SYNE2: variants seen among roughly 807,000 people sequenced by gnomAD.
SYNE2 encodes spectrin repeat containing nuclear envelope protein 2, also known as nesprin-2.
In SYNE2, 431 loss-of-function variants were observed where a neutral mutation model predicts 856.3. The ratio of observed to expected loss-of-function variants is 0.50; its 90% CI spans 0.47 to 0.55. The LOEUF (loss-of-function observed/expected upper bound fraction) is 0.55. Ranked by LOEUF, SYNE2 falls within the 20% of genes least tolerant of loss-of-function variation. The pLI, the probability that SYNE2 is intolerant of heterozygous loss-of-function variation, is 0.00. For synonymous variants in SYNE2, 2,923 were observed against 2,872.3 expected, an observed-to-expected ratio of 1.02 and a Z score of -0.56; for missense variants, 8,129 against 8,023.2, an observed-to-expected ratio of 1.01 and a Z score of -0.50.
chr14:63,814,769 T>TATATATATCCATATATATCC (rs570381323), intron 1 of SYNE2, among the ~76,000 whole-genome samples: 1 of 36,534 alleles, frequency 2.7e-5, no homozygotes, highest in South Asian at 1.3e-3. Flanking sequence ...TATATATCCA[T>TATATATATCCATATATATCC]ATATATATCC....
chr14:63,988,266 T>C lies in SYNE2; in HGVS notation c.2313+1649T>C, dbSNP rs369136276. 1.1e-4 allele frequency among the ~76,000 whole-genome samples: 17 copies of C among 152,286 alleles called. 1 individual carries two copies. In the South Asian group the frequency reaches 3.5e-3, roughly 32 times the overall value. ...CTAATTCTTATATTTTTAGTAGAGA[T>C]AGGGTTTTGCTGTATTGCCCAGGCA... is the stretch of plus-strand genomic sequence containing the variant. On this transcript the variant is annotated intron_variant, in intron 19 of 115. Transcript: ENST00000555002.
intron 2 of SYNE2, among the ~76,000 whole-genome samples, chr14:63,927,140 G>A (rs567860429): frequency 3.1e-4 from 47 of 152,330 alleles, no homozygotes; most frequent in Middle Eastern, 3.4e-3. Flanking sequence ...GTTGCTAAGA[G>A]CAGAGAGAAA....
chr14:63,887,761 T>TA (rs1002646816), intron 1 of SYNE2, among the ~76,000 whole-genome samples: 1 of 148,076 alleles, frequency 6.8e-6, no homozygotes, highest in African/African-American at 2.5e-5. Context: ...TTTTTTTTTT[T>TA]TTTTTTTTTG....
intron 27 of SYNE2, among the ~76,000 whole-genome samples, chr14:64,000,224 C>A (rs1039228227): frequency 6.6e-6 from 1 of 152,188 alleles, no homozygotes; most frequent in Non-Finnish European, 1.5e-5. Context: ...AGAAAGATTT[C>A]CTATCCAGAG....
rs558707674 is a variant in SYNE2, at chr14:63,994,655, G to T, written c.2782-389G>T. On this transcript the variant is annotated intron_variant, in intron 22 of 115. Transcript: ENST00000555002. Reference sequence around the variant, plus strand: ...GATACATTAGTATTAACTAAAGTTTGCACTTTATTTACCTTTTCACAGTTT... The same window carrying T: ...GATACATTAGTATTAACTAAAGTTTTCACTTTATTTACCTTTTCACAGTTT... Among the ~76,000 whole-genome samples the T allele has an allele frequency of 3.3e-4, 50 of 152,206 alleles. 1 individual carries two copies. In the South Asian group the frequency reaches 8.7e-3, roughly 26 times the overall value.
At chr14:63,838,810 C>A (rs1194872037) in intron 1 of SYNE2, among the ~76,000 whole-genome samples, 1 of 151,504 alleles carries the variant, frequency 6.6e-6, no homozygotes, top group South Asian at 2.1e-4. Flanking sequence ...GGTTTCCTAG[C>A]CTACGTGTAC....
At chr14:63,799,575 G>A (rs1468788106) in intron 1 of SYNE2, among the ~76,000 whole-genome samples, 2 of 151,814 alleles carry the variant, frequency 1.3e-5, no homozygotes, top group African/African-American at 4.8e-5. Context: ...GTGGTGGCGG[G>A]CGCCTGTAGT....
intron 1 of SYNE2, among the ~76,000 whole-genome samples, chr14:63,880,118 T>G (rs1382448821): frequency 6.6e-6 from 1 of 152,214 alleles, no homozygotes; most frequent in Non-Finnish European, 1.5e-5. Context: ...TGAGACAGGA[T>G]CTTACTCTGT....
At chr14:63,924,846 T>G (rs1232206415) in intron 2 of SYNE2, among the ~76,000 whole-genome samples, 4 of 103,826 alleles carry the variant, frequency 3.9e-5, no homozygotes, top group Non-Finnish European at 8.4e-5. Flanking sequence ...TTTTTTTTTT[T>G]TTTTTTTTTT....
chr14:63,949,056 T>C (rs1386328230), intron 6 of SYNE2, among the ~76,000 whole-genome samples: 1 of 151,902 alleles, frequency 6.6e-6, no homozygotes, highest in African/African-American at 2.4e-5. Context: ...TTAATTGTGT[T>C]GTTGACATCT....
rs10498512 is a variant in SYNE2, at chr14:64,007,403, C to T, written c.4577+181C>T. Among the ~76,000 whole-genome samples, 42,801 of 151,992 alleles carry T rather than the reference C, an allele frequency of 0.28. 6,255 individuals carry two copies. Among genetic ancestry groups the T allele is most frequent in the East Asian group, 0.35 (1,813 of 5,172 alleles). ...CAAGACCTAGAATTGTAGATTATAG[C>T]CAGAATGCAGCAAAGAGGTTCTCCA... is the stretch of plus-strand genomic sequence containing the variant. On this transcript the variant is annotated intron_variant, in intron 31 of 115. Transcript: ENST00000555002.
chr14:63,944,824 CTTTTTTTTT>C (rs55906748), intron 6 of SYNE2, among the ~76,000 whole-genome samples: 34 of 46,952 alleles, frequency 7.2e-4, no homozygotes, highest in African/African-American at 3.0e-3. Context: ...GGGCTTAAAG[CTTTTTTTTT>C]TTTTTTTTTT....
intron 1 of SYNE2, among the ~76,000 whole-genome samples, chr14:63,876,451 AT>A (rs746357177): frequency 6.7e-6 from 1 of 150,320 alleles, no homozygotes; most frequent in Admixed American, 6.7e-5. Context: ...ATACCATTAT[AT>A]TTTTTTTAAT....
chr14:64,201,935 T>A (rs1277820218), intron 99 of SYNE2, among the ~76,000 whole-genome samples: 1 of 152,310 alleles, frequency 6.6e-6, no homozygotes, highest in South Asian at 2.1e-4. Context: ...TTTAGGACTT[T>A]AAGGAAAGCG....
At chr14:63,787,101 A>G (rs192277818) in intron 1 of SYNE2, among the ~76,000 whole-genome samples, 1 of 152,250 alleles carries the variant, frequency 6.6e-6, no homozygotes, top group Admixed American at 6.5e-5. Context: ...GAGCCCGGGT[A>G]TACATACATG....
intron 62 of SYNE2, chr14:64,098,368 T>C (rs2097694363): frequency 1.6e-6 from 1 of 619,434 alleles, no homozygotes; most frequent in Non-Finnish European, 2.8e-6. Flanking sequence ...TGAATTACTT[T>C]AGGACATGCT....
At chr14:63,894,521 A>G (rs1045310385) in intron 1 of SYNE2, among the ~76,000 whole-genome samples, 1 of 152,096 alleles carries the variant, frequency 6.6e-6, no homozygotes, top group Non-Finnish European at 1.5e-5. Context: ...GCATCCGGCC[A>G]TTATAAAATA....
Position 63,967,833 on chromosome 14 carries a change from G to A in SYNE2, c.1115G>A (p.Gly372Asp). The A allele has an allele frequency of 6.2e-7, 1 of 1,614,018 alleles. No homozygotes were observed. Among genetic ancestry groups the A allele is most frequent in the Non-Finnish European group, 8.5e-7 (1 of 1,179,948 alleles). Reference protein sequence around the residue: ...DHLQLREAWDGLDHQINAWKI... With the variant: ...DHLQLREAWDDLDHQINAWKI... Reference sequence around the variant, plus strand: ...TTACAGTTGAGAGAAGCCTGGGATGGCCTCGATCACCAGGTGACTGTTTGT... The same window carrying A: ...TTACAGTTGAGAGAAGCCTGGGATGACCTCGATCACCAGGTGACTGTTTGT... The change falls in exon 11 of 116, where the codon GGC becomes GAC. Residue 372 changes from glycine to aspartate, a missense_variant. This residue lies in a region of SYNE2 where 2,422 missense variants were observed against 2,357.4 expected (regional missense o/e 1.03). Transcript: ENST00000555002.
chr14:63,813,896 A>T (rs563195109), intron 1 of SYNE2, among the ~76,000 whole-genome samples: 91 of 152,284 alleles, frequency 6.0e-4, no homozygotes, highest in African/African-American at 2.0e-3. Context: ...TACTAAAAAT[A>T]CAAAAAATAT....
Sources: allele counts gnomAD v4.1 joint callset (sites outside exome capture counted in the v4.1 genomes callset), GRCh38; gene constraint gnomAD v4.1.1; regional missense constraint gnomAD v4.1.1; transcripts MANE v1.5; gene names NCBI Gene and HGNC (gene_info 2026-07-23, HGNC 2026-07-21).